KCNMA1: variants seen among roughly 807,000 people sequenced by gnomAD.
The protein encoded by KCNMA1 is potassium calcium-activated channel subfamily M alpha 1.
KCNMA1 carries 29 observed loss-of-function variants against 140.0 expected under a neutral mutation model. That is an observed-to-expected ratio of 0.21 (90% CI 0.15 to 0.28). The LOEUF (loss-of-function observed/expected upper bound fraction) is 0.28, where lower values mean the gene tolerates loss of function less well. Among genes scored for constraint, KCNMA1 ranks in the 10% least tolerant of loss-of-function variants. The probability of loss-of-function intolerance (pLI) is 1.00; values close to 1 mark genes in which losing one functional copy is unlikely to be tolerated. For synonymous variants in KCNMA1, 612 were observed against 611.9 expected (o/e 1.00, Z 0.00); for missense variants, 880 against 1,602.2 (o/e 0.55, Z 7.70).
intron 2 of KCNMA1, among the ~76,000 whole-genome samples, chr10:77,279,667 C>T (rs753222322): frequency 6.6e-6 from 1 of 152,204 alleles, no homozygotes; most frequent in African/African-American, 2.4e-5. Flanking sequence ...ATATCCCCAC[C>T]CAGATCTCAT....
chr10:77,096,533 G>A (rs900531537), intron 9 of KCNMA1, among the ~76,000 whole-genome samples: 1 of 152,182 alleles, frequency 6.6e-6, no homozygotes, highest in Non-Finnish European at 1.5e-5. Context: ...GGGCGGGGAG[G>A]CCTTAGATCT....
intron 1 of KCNMA1, among the ~76,000 whole-genome samples, chr10:77,491,688 C>T (rs1034649507): frequency 2.0e-5 from 3 of 150,058 alleles, no homozygotes; most frequent in Non-Finnish European, 4.4e-5. Flanking sequence ...GGGCCTCACC[C>T]TGGGGGGAAA....
intron 23 of KCNMA1, among the ~76,000 whole-genome samples, chr10:76,922,032 G>A (rs530133117): frequency 8.5e-5 from 13 of 152,278 alleles, no homozygotes; most frequent in Admixed American, 4.6e-4. Context: ...GGTGCTGGAG[G>A]TCAGTGTCAA....
intron 5 of KCNMA1, among the ~76,000 whole-genome samples, chr10:77,179,061 G>C (rs1187333904): frequency 1.3e-5 from 2 of 152,156 alleles, no homozygotes; most frequent in Non-Finnish European, 2.9e-5. Context: ...GGGTAGGTTA[G>C]AAAGAGAGAC....
At chr10:77,248,526 T>C (rs546800658) in intron 3 of KCNMA1, among the ~76,000 whole-genome samples, 39 of 152,302 alleles carry the variant, frequency 2.6e-4, no homozygotes, top group African/African-American at 8.9e-4. Context: ...GGGTGCTTTT[T>C]TTCCAGGGTG....
At chr10:76,941,693 G>T (rs1034216708) in intron 23 of KCNMA1, among the ~76,000 whole-genome samples, 9 of 152,188 alleles carry the variant, frequency 5.9e-5, no homozygotes, top group African/African-American at 2.2e-4. Context: ...GCTGACCAGG[G>T]GTCTACGAGA....
downstream of KCNMA1, chr10:76,876,997 TGGTGTC>T (rs1391334503): frequency 6.5e-6 from 1 of 152,686 alleles, no homozygotes; most frequent in Non-Finnish European, 1.5e-5. Flanking sequence ...ACAACCCTCC[TGGTGTC>T]CTTAGTTGGC....
rs537537876 is a variant in KCNMA1, at chr10:77,095,715, C to A, written c.1224-5205G>T. Reference sequence around the variant, plus strand: ...AGCATCGCTGCCTCCAGAATGAAATCCCACAAATTCTTCTCAATCCTTCTA... The same window carrying A: ...AGCATCGCTGCCTCCAGAATGAAATACCACAAATTCTTCTCAATCCTTCTA... On this transcript the variant is annotated intron_variant, in intron 9 of 27. Transcript: ENST00000286628. Among the ~76,000 whole-genome samples the A allele has an allele frequency of 1.3e-4, 20 of 152,272 alleles. No individual in the cohort carries two copies. The East Asian group carries it at 3.3e-3, about 25-fold the overall frequency.
At chr10:77,558,114 A>C (rs546821228) in intron 1 of KCNMA1, among the ~76,000 whole-genome samples, 149 of 152,310 alleles carry the variant, frequency 9.8e-4, no homozygotes, top group African/African-American at 3.4e-3. Flanking sequence ...TGACCTTCAC[A>C]ACAAACCTGT....
At chr10:76,887,972 A>G (rs1278264910) in intron 27 of KCNMA1, 1 of 172,662 alleles carries the variant, frequency 5.8e-6, no homozygotes, top group Non-Finnish European at 1.3e-5. Flanking sequence ...TTTAAAATCT[A>G]CTTTGGTGAG....
intron 2 of KCNMA1, among the ~76,000 whole-genome samples, chr10:77,324,957 CTCTCTCTCTCTCTCTG>C (rs1439998370): frequency 2.1e-4 from 24 of 111,868 alleles, no homozygotes; most frequent in African/African-American, 5.6e-4. Flanking sequence ...CTCTCTCTCT[CTCTCTCTCTCTCTCTG>C]TGTGTGTGTG....
At chr10:77,303,063 C>T (rs1346663284) in intron 2 of KCNMA1, among the ~76,000 whole-genome samples, 1 of 152,146 alleles carries the variant, frequency 6.6e-6, no homozygotes, top group Non-Finnish European at 1.5e-5. Context: ...AATTACTAAC[C>T]TCTCTGGCCT....
chr10:77,045,709 T>C (rs2095008345), intron 14 of KCNMA1, among the ~76,000 whole-genome samples: 2 of 152,240 alleles, frequency 1.3e-5, no homozygotes, highest in African/African-American at 4.8e-5. Flanking sequence ...TTATTTTTTA[T>C]GCTTCCTCTG....
At chr10:77,083,843 A>AT (rs200528899) in intron 12 of KCNMA1, among the ~76,000 whole-genome samples, 1 of 140,534 alleles carries the variant, frequency 7.1e-6, no homozygotes, top group East Asian at 2.5e-4. Flanking sequence ...TCTATGAAAA[A>AT]AAACGGGGGG....
At chr10:76,963,111 A>G (rs1307307140) in intron 20 of KCNMA1, among the ~76,000 whole-genome samples, 2 of 152,190 alleles carry the variant, frequency 1.3e-5, no homozygotes, top group African/African-American at 4.8e-5. Flanking sequence ...GGGAGGACTC[A>G]TGTCAGTGGT....
intron 1 of KCNMA1, among the ~76,000 whole-genome samples, chr10:77,596,143 C>T (rs183543123): frequency 4.6e-5 from 7 of 152,230 alleles, no homozygotes; most frequent in Non-Finnish European, 1.0e-4. Flanking sequence ...AAATAAATCA[C>T]GTCTCACCCA....
chr10:77,258,748 A>C, intron 2 of KCNMA1, among the ~76,000 whole-genome samples: 1 of 152,236 alleles, frequency 6.6e-6, no homozygotes, highest in South Asian at 2.1e-4. Context: ...GGATTACTTG[A>C]GATCAGGAGC....
chr10:77,079,738 C>T, intron 12 of KCNMA1, 188 bp from the exon 13 acceptor site: 1 of 631,852 alleles, frequency 1.6e-6, no homozygotes, highest in Non-Finnish European at 2.9e-6. Context: ...GGGGCAGAAG[C>T]AACTTTTCAC....
chr10:77,558,173 G>A (rs894109991), intron 1 of KCNMA1, among the ~76,000 whole-genome samples: 1 of 152,010 alleles, frequency 6.6e-6, no homozygotes, highest in African/African-American at 2.4e-5. Context: ...TCAGAAAGTG[G>A]GTTCTTGCTT....
Sources: allele counts gnomAD v4.1 joint callset (sites outside exome capture counted in the v4.1 genomes callset), GRCh38; gene constraint gnomAD v4.1.1; transcripts MANE v1.5; gene names NCBI Gene and HGNC (gene_info 2026-07-23, HGNC 2026-07-21).